Variants in PHF14 observed in about 807,000 individuals in gnomAD.
PHF14 encodes the protein PHD finger protein 14.
PHF14 carries 55 observed loss-of-function variants against 117.9 expected under a neutral mutation model. The observed-to-expected ratio is 0.47, with a 90% CI of 0.38 to 0.58. The LOEUF is 0.58. Among genes scored for constraint, PHF14 ranks in the 20% least tolerant of loss-of-function variants. The pLI is 0.00. For missense variants in PHF14, 978 were observed against 1,122.2 expected (o/e 0.87, Z 1.84); for synonymous variants, 409 against 368.6 (o/e 1.11, Z -1.26).
At chr7:11,059,157 T>C (rs1785120357) in intron 14 of PHF14, among the ~76,000 whole-genome samples, 1 of 152,200 alleles carries the variant, frequency 6.6e-6, no homozygotes, top group African/African-American at 2.4e-5. Flanking sequence ...TACCATATGA[T>C]GCTAATTGCA....
At chr7:11,057,841 C>T (rs1302166397) in intron 14 of PHF14, among the ~76,000 whole-genome samples, 3 of 151,282 alleles carry the variant, frequency 2.0e-5, no homozygotes, top group Non-Finnish European at 4.4e-5. Context: ...TTAAGCAGCT[C>T]AGGTTGTAAT....
chr7:11,067,947 C>G (rs1785478363), intron 16 of PHF14, among the ~76,000 whole-genome samples: 1 of 152,148 alleles, frequency 6.6e-6, no homozygotes, highest in Non-Finnish European at 1.5e-5. Flanking sequence ...GTAAACACCT[C>G]CCATTAGGAC....
At chr7:10,977,982 A>G (rs1200397675) in intron 2 of PHF14, among the ~76,000 whole-genome samples, 1 of 152,206 alleles carries the variant, frequency 6.6e-6, no homozygotes, top group Non-Finnish European at 1.5e-5. Context: ...GCAGACATGT[A>G]TTACTTCTAT....
chr7:11,002,496 T>A (rs1188825749), intron 4 of PHF14, among the ~76,000 whole-genome samples: 1 of 152,038 alleles, frequency 6.6e-6, no homozygotes, highest in African/African-American at 2.4e-5. Flanking sequence ...TGGAGTGCAA[T>A]GGAGCAATCT....
At chr7:11,132,640 C>G (rs1453298745) in intron 17 of PHF14, among the ~76,000 whole-genome samples, 2 of 151,622 alleles carry the variant, frequency 1.3e-5, no homozygotes, top group African/African-American at 2.4e-5. Flanking sequence ...TATGGTCTTT[C>G]TATTTTTAAT....
At chr7:11,098,960 A>G (rs1177911877) in intron 16 of PHF14, among the ~76,000 whole-genome samples, 1 of 152,198 alleles carries the variant, frequency 6.6e-6, no homozygotes, top group Non-Finnish European at 1.5e-5. Flanking sequence ...TAAGGAAGGA[A>G]TTAGAAAATT....
At chr7:11,035,834 T>C in intron 8 of PHF14, 48 bp downstream of exon 8, 1 of 1,474,800 alleles carries the variant, frequency 6.8e-7, no homozygotes, top group Non-Finnish European at 9.2e-7. Flanking sequence ...TAAGGTTATG[T>C]AAGGATTTTA....
chr7:11,019,809 A>G (rs1483142516), intron 5 of PHF14, among the ~76,000 whole-genome samples: 1 of 151,910 alleles, frequency 6.6e-6, no homozygotes, highest in African/African-American at 2.4e-5. Context: ...GTTCTTTAAG[A>G]TATGTCATTG....
chr7:11,156,520 C>T (rs1281232504), intron 17 of PHF14, among the ~76,000 whole-genome samples: 3 of 152,026 alleles, frequency 2.0e-5, no homozygotes, highest in Non-Finnish European at 4.4e-5. Context: ...TCTGGCCGGG[C>T]GTGGTGGCTC....
rs562672494 is a variant in PHF14, at chr7:10,985,707, C to T, written c.900+2548C>T. Among the ~76,000 whole-genome samples the T allele has an allele frequency of 1.0e-3, 114 of 114,242 alleles. 1 individual carries two copies. The highest frequency in any genetic ancestry group is 1.5e-3 in the Non-Finnish European group (95 of 61,388). 74.9% of individuals were successfully genotyped at this position (114,242 alleles called of 152,430 possible). On this transcript the variant is annotated intron_variant, in intron 3 of 17. Transcript: ENST00000634607. ...TCACTCTGTTGCCTAGGCTGGAGTA[C>T]AGTGGCATGATCTCGGCTCACTGCA...
chr7:11,158,045 CTT>C (rs1261765021), intron 17 of PHF14, among the ~76,000 whole-genome samples: 1 of 152,030 alleles, frequency 6.6e-6, no homozygotes. Context: ...AGGTTAACAT[CTT>C]ATATAAGCAT....
intron 16 of PHF14, among the ~76,000 whole-genome samples, chr7:11,097,933 A>ATG (rs1194300629): frequency 6.6e-6 from 1 of 151,892 alleles, no homozygotes; most frequent in Middle Eastern, 3.2e-3. Flanking sequence ...GGGTGTGTGT[A>ATG]TGTGTGTGTG....
intron 17 of PHF14, among the ~76,000 whole-genome samples, chr7:11,121,067 A>ACAATTTATGTAAG (rs1787738872): frequency 6.6e-6 from 1 of 152,200 alleles, no homozygotes; most frequent in African/African-American, 2.4e-5. Context: ...CAGTTGTAAG[A>ACAATTTATGTAAG]CAATTTATAA....
At chr7:11,161,138 C>T (rs567158206) in intron 17 of PHF14, among the ~76,000 whole-genome samples, 3 of 152,120 alleles carry the variant, frequency 2.0e-5, no homozygotes, top group South Asian at 4.2e-4. Context: ...ATATGGCTAG[C>T]CAGTTGCCAG....
rs912181067 is a variant in PHF14 at position 11,111,169 on chromosome 7, A to G, written c.2655-181A>G. 6 of 469,422 alleles carry G rather than the reference A, an allele frequency of 1.3e-5. No homozygotes were observed. In the Admixed American group the frequency reaches 2.3e-4, roughly 18 times the overall value. 29.1% of individuals were successfully genotyped at this position (469,422 alleles called of 1,614,324 possible). On this transcript the variant is annotated intron_variant, in intron 16 of 17. Coordinates refer to ENST00000634607, the MANE Select transcript of PHF14 (RefSeq NM_001007157.2). ...TGTTGTATTTTGTTTTTGCTAAAACATTTATTTCAGGTTTAGTTTGCCTTT... is the reference window on the plus strand; with the variant it reads ...TGTTGTATTTTGTTTTTGCTAAAACGTTTATTTCAGGTTTAGTTTGCCTTT...
chr7:11,051,865 T>A, intron 14 of PHF14, 85 bp downstream of exon 14: 1 of 1,094,174 alleles, frequency 9.1e-7, no homozygotes, highest in Middle Eastern at 2.1e-4. Flanking sequence ...GGCAAACATA[T>A]ACTCAGAAGT....
chr7:11,010,669 A>G (rs1783322401), intron 4 of PHF14, among the ~76,000 whole-genome samples: 1 of 152,062 alleles, frequency 6.6e-6, no homozygotes, highest in African/African-American at 2.4e-5. Context: ...CATAATCTGA[A>G]AAAATATATA....
chr7:11,002,747 A>C (rs571250389), intron 4 of PHF14, among the ~76,000 whole-genome samples: 1 of 151,740 alleles, frequency 6.6e-6, no homozygotes, highest in South Asian at 2.1e-4. Context: ...CCCGGCCAAA[A>C]ATTAAGACTT....
intron 16 of PHF14, among the ~76,000 whole-genome samples, chr7:11,087,639 A>G (rs1411967987): frequency 6.6e-6 from 1 of 152,130 alleles, no homozygotes; most frequent in Non-Finnish European, 1.5e-5. Flanking sequence ...GACTATTGCT[A>G]ATTATATTGT....
Sources: allele counts gnomAD v4.1 joint callset (sites outside exome capture counted in the v4.1 genomes callset), GRCh38; gene constraint gnomAD v4.1.1; transcripts MANE v1.5; gene names NCBI Gene and HGNC (gene_info 2026-07-23, HGNC 2026-07-21).